The following ACER1 variants were observed in gnomAD, a reference collection of about 807,000 sequenced individuals.
ACER1 encodes CTB-180A7.3.
A neutral mutation model predicts 24.9 loss-of-function variants in ACER1; 28 were observed. That is an observed-to-expected ratio of 1.13 (90% CI 0.83 to 1.54). The LOEUF (loss-of-function observed/expected upper bound fraction) is 1.54. ACER1 is among the 40% of genes most tolerant of loss of function. ACER1 has a pLI of 0.00. For synonymous variants in ACER1, 132 were observed against 131.4 expected, an observed-to-expected ratio of 1.00 and a Z score of -0.03; for missense variants, 352 against 349.3, an observed-to-expected ratio of 1.01 and a Z score of -0.06.
At chr19:6,340,352 GAAGGAAGGAAGGAAGGAAGGAAGA>G in the ACER1 span, among the ~76,000 whole-genome samples, 1,255 of 71,934 alleles carry the variant, frequency 0.017, 20 homozygotes, top group Non-Finnish European at 0.025. Flanking sequence ...AGGAAGGAAG[GAAGGAAGGAAGGAAGGAAGGAAGA>G]AAAACAGAAC....
intron 1 of ACER1, among the ~76,000 whole-genome samples, chr19:6,314,540 A>G (rs960567831): frequency 6.6e-6 from 1 of 151,866 alleles, no homozygotes; most frequent in Non-Finnish European, 1.5e-5. Context: ...CGACGTGCTG[A>G]CATCAGACTT....
At chr19:6,335,596 C>T (rs1022182066), upstream of ACER1, among the ~76,000 whole-genome samples, 2 of 151,932 alleles carry the variant, frequency 1.3e-5, no homozygotes, top group Non-Finnish European at 2.9e-5. Flanking sequence ...TTTGGGAGAC[C>T]AAGGCGGGAG....
the ACER1 span, among the ~76,000 whole-genome samples, chr19:6,340,816 G>A: frequency 6.6e-6 from 1 of 152,118 alleles, no homozygotes; most frequent in Admixed American, 6.5e-5. Context: ...GGGGAGAGAA[G>A]GGGCTAGAGA....
At chr19:6,350,303 T>C in the ACER1 span, among the ~76,000 whole-genome samples, 2 of 151,680 alleles carry the variant, frequency 1.3e-5, no homozygotes, top group East Asian at 3.9e-4. Context: ...CCGTCTCAAC[T>C]AAAAATATAA....
chr19:6,326,915 C>T (rs982746870), intron 1 of ACER1, among the ~76,000 whole-genome samples: 6 of 152,216 alleles, frequency 3.9e-5, no homozygotes, highest in Non-Finnish European at 8.8e-5. Context: ...TCTCCTTTCT[C>T]AATCTGACCA....
the ACER1 span, among the ~76,000 whole-genome samples, chr19:6,359,319 A>ATTT: frequency 3.0e-4 from 42 of 140,764 alleles, no homozygotes; most frequent in African/African-American, 7.3e-4. Context: ...ATCTGCTGTG[A>ATTT]TTTTTTTTTT....
At chr19:6,317,733 TTTTG>T (rs1275866423) in intron 1 of ACER1, among the ~76,000 whole-genome samples, 3 of 152,060 alleles carry the variant, frequency 2.0e-5, no homozygotes, top group South Asian at 2.1e-4. Flanking sequence ...TTGTTTTGTT[TTTTG>T]TTTGTTAGTT....
chr19:6,321,682 A>G (rs1246373041), intron 1 of ACER1, among the ~76,000 whole-genome samples: 1 of 152,074 alleles, frequency 6.6e-6, no homozygotes, highest in Non-Finnish European at 1.5e-5. Flanking sequence ...ATCTCAGCTC[A>G]CTGCAACCTC....
intron 1 of ACER1, among the ~76,000 whole-genome samples, chr19:6,333,223 G>A (rs1029482671): frequency 2.6e-5 from 4 of 152,162 alleles, no homozygotes; most frequent in African/African-American, 9.6e-5. Flanking sequence ...CTTAGGGAAG[G>A]CAGAGACCGG....
At chr19:6,343,282 T>C in the ACER1 span, among the ~76,000 whole-genome samples, 1 of 152,010 alleles carries the variant, frequency 6.6e-6, no homozygotes, top group South Asian at 2.1e-4. Context: ...AAGCAAAGAG[T>C]ATGGAGGGTG....
intron 5 of ACER1, 25 bp downstream of exon 5, chr19:6,307,128 C>G: frequency 6.2e-7 from 1 of 1,612,706 alleles, no homozygotes; most frequent in East Asian, 2.2e-5. Context: ...TCTGGGCCCC[C>G]CACAGCCTCA....
At chr19:6,336,090 G>A (rs1281961012), upstream of ACER1, among the ~76,000 whole-genome samples, 2 of 151,688 alleles carry the variant, frequency 1.3e-5, no homozygotes, top group Admixed American at 6.6e-5. Flanking sequence ...TAGTAGAGAC[G>A]GGGTTTCACC....
intron 1 of ACER1, among the ~76,000 whole-genome samples, chr19:6,317,674 G>A (rs2091610280): frequency 6.6e-6 from 1 of 152,100 alleles, no homozygotes; most frequent in South Asian, 2.1e-4. Context: ...TCTTAAACTT[G>A]GCGTATAAAT....
At chr19:6,315,036 T>C (rs1303361218) in intron 1 of ACER1, among the ~76,000 whole-genome samples, 1 of 146,214 alleles carries the variant, frequency 6.8e-6, no homozygotes, top group Non-Finnish European at 1.5e-5. Context: ...GGACTGCAGG[T>C]GCCTGCCACC....
chr19:6,334,632 C>T (rs1251431621), upstream of ACER1, among the ~76,000 whole-genome samples: 7 of 152,162 alleles, frequency 4.6e-5, no homozygotes, highest in Non-Finnish European at 8.8e-5. Flanking sequence ...TACGCATGAG[C>T]CACCTCACCT....
chr19:6,357,541 G>A, the ACER1 span, among the ~76,000 whole-genome samples: 5 of 152,104 alleles, frequency 3.3e-5, no homozygotes, highest in Admixed American at 6.5e-5. Context: ...GGAGGCTGAC[G>A]CACATGGATC....
At chr19:6,340,740 T>C in the ACER1 span, among the ~76,000 whole-genome samples, 4 of 152,038 alleles carry the variant, frequency 2.6e-5, no homozygotes, top group Admixed American at 1.3e-4. Context: ...ATCATGGTGC[T>C]GACTAGGGAG....
the ACER1 span, among the ~76,000 whole-genome samples, chr19:6,358,478 G>A: frequency 1.3e-5 from 2 of 152,050 alleles, no homozygotes; most frequent in African/African-American, 4.8e-5. Context: ...CTTATCTAGG[G>A]TACCCAGCAT....
rs115213660 is a variant in ACER1, at chr19:6,312,662, C to T, written c.94-163G>A. 5.0e-3 allele frequency among the ~76,000 whole-genome samples: 738 copies of T among 148,376 alleles called. 11 individuals carry two copies. The highest frequency in any genetic ancestry group is 0.017 in the African/African-American group (669 of 40,002). On this transcript the variant is annotated intron_variant, in intron 1 of 5. Coordinates refer to ENST00000301452, the MANE Select transcript of ACER1 (RefSeq NM_133492.3). ...ATCACTCACCTGTCAACCTTTCAGC[C>T]GACCCTTTTTTTTTTTTTTTTTTTA... is the stretch of plus-strand genomic sequence containing the variant.
Sources: allele counts gnomAD v4.1 joint callset (sites outside exome capture counted in the v4.1 genomes callset), GRCh38; gene constraint gnomAD v4.1.1; transcripts MANE v1.5; gene names NCBI Gene and HGNC (gene_info 2026-07-23, HGNC 2026-07-21).